Variants in MAP4K5 observed in about 807,000 individuals in gnomAD.
MAP4K5 encodes MAPK/ERK kinase kinase kinase 5.
MAP4K5 carries 82 observed loss-of-function variants against 135.6 expected under a neutral mutation model. The observed-to-expected ratio is 0.60, with a 90% confidence interval of 0.51 to 0.73. The LOEUF is 0.73. Among genes scored for constraint, MAP4K5 ranks in the 30% least tolerant of loss-of-function variants. The pLI, the probability that MAP4K5 is intolerant of heterozygous loss-of-function variation, is 0.00. For synonymous variants in MAP4K5, 347 were observed against 335.0 expected (o/e 1.04, Z -0.39); for missense variants, 907 against 1,010.9 (o/e 0.90, Z 1.39).
chr14:50,446,190 A>C (rs1288609961), intron 16 of MAP4K5, 69 bp from the exon 17 acceptor site: 5 of 895,608 alleles, frequency 5.6e-6, no homozygotes, highest in Non-Finnish European at 8.6e-6. Context: ...GATACTATTA[A>C]ATATGTATTA....
At chr14:50,456,061 C>G (rs1231595431) in intron 14 of MAP4K5, among the ~76,000 whole-genome samples, 1 of 152,016 alleles carries the variant, frequency 6.6e-6, no homozygotes, top group Non-Finnish European at 1.5e-5. Context: ...TACAATATAT[C>G]AATTAATGAA....
intron 3 of MAP4K5, 93 bp downstream of exon 3, chr14:50,504,707 T>A: frequency 1.1e-6 from 1 of 888,484 alleles, no homozygotes. Context: ...ACTGACCTGA[T>A]AGAACATATA....
intron 2 of MAP4K5, among the ~76,000 whole-genome samples, chr14:50,540,731 A>T (rs528271247): frequency 4.6e-5 from 7 of 152,352 alleles, no homozygotes; most frequent in Admixed American, 2.0e-4. Flanking sequence ...ATGTGAGTAT[A>T]GATATATTGA....
intron 11 of MAP4K5, among the ~76,000 whole-genome samples, chr14:50,464,583 G>A (rs2139820133): frequency 6.6e-6 from 1 of 152,268 alleles, no homozygotes; most frequent in South Asian, 2.1e-4. Context: ...GCAAAGAGGA[G>A]GGAGCAATTT....
intron 30 of MAP4K5, among the ~76,000 whole-genome samples, chr14:50,426,796 A>G (rs1043016383): frequency 2.0e-5 from 3 of 152,224 alleles, no homozygotes; most frequent in Non-Finnish European, 4.4e-5. Context: ...CACACATTGA[A>G]TATTTAGGAT....
intron 1 of MAP4K5, among the ~76,000 whole-genome samples, chr14:50,552,649 C>G (rs2038716910): frequency 6.6e-6 from 1 of 152,164 alleles, no homozygotes; most frequent in South Asian, 2.1e-4. Context: ...CAACGTGGTA[C>G]TGCTATAAAA....
chr14:50,468,515 T>A, intron 10 of MAP4K5, 136 bp downstream of exon 10: 1 of 833,080 alleles, frequency 1.2e-6, no homozygotes, highest in Non-Finnish European at 1.8e-6. Context: ...AGGTTTTGGA[T>A]GAGATTACTC....
chr14:50,452,916 C>A (rs2036522487), intron 14 of MAP4K5, among the ~76,000 whole-genome samples: 1 of 152,210 alleles, frequency 6.6e-6, no homozygotes, highest in Non-Finnish European at 1.5e-5. Flanking sequence ...ACTGGAGCCA[C>A]TGGTTGTTTT....
Position 50,486,210 on chromosome 14 carries a change from A to C in MAP4K5, c.167-16T>G, listed in dbSNP as rs757124377. On this transcript the variant is annotated splice_polypyrimidine_tract_variant and intron_variant, in intron 3 of 32. Transcript: ENST00000682126. Reference sequence around the variant, plus strand: ...AAATCATCTCCTGGAAAACAAAATAAGTTGTTTATCATGTTACTCAAAATC... The same window carrying C: ...AAATCATCTCCTGGAAAACAAAATACGTTGTTTATCATGTTACTCAAAATC... 20 of 883,706 alleles carry C rather than the reference A, an allele frequency of 2.3e-5. No individual in the cohort carries two copies. In the African/African-American group the frequency reaches 3.1e-4, roughly 14 times the overall value. 54.7% of individuals were successfully genotyped at this position (883,706 alleles called of 1,614,324 possible). A position where few individuals can be genotyped will look rare whatever the true frequency, so the allele number is the denominator to read the frequency against.
rs751518154 is a variant in MAP4K5 at position 50,532,070 on chromosome 14, C to G, written c.-21G>C. On this transcript the variant is annotated 5_prime_UTR_variant, in exon 2 of 33. Transcript: ENST00000682126. ...TCCATCTTCACTTAGGGCCCGGCCC[C>G]CGCCAGCTCACCCCGCGGCTCCCGG... 6.8e-7 allele frequency: 1 copy of G among 1,464,814 alleles called. No individual in the cohort carries two copies. Among genetic ancestry groups the G allele is most frequent in the South Asian group, 1.2e-5 (1 of 82,086 alleles). 90.7% of individuals were successfully genotyped at this position (1,464,814 alleles called of 1,614,324 possible).
upstream of MAP4K5, among the ~76,000 whole-genome samples, chr14:50,536,918 G>A (rs2038500223): frequency 1.3e-5 from 2 of 152,204 alleles, no homozygotes; most frequent in South Asian, 4.1e-4. Context: ...AAAATTTGCA[G>A]CCTGACAATA....
intron 2 of MAP4K5, among the ~76,000 whole-genome samples, chr14:50,524,797 CT>C (rs33941940): frequency 0.017 from 2,597 of 152,222 alleles, 66 homozygotes; most frequent in African/African-American, 0.059. Context: ...GAATATTATT[CT>C]AAGACTTTAT....
At chr14:50,476,329 AAAG>A in intron 6 of MAP4K5, 23 bp from the exon 7 acceptor site, 1 of 1,304,682 alleles carries the variant, frequency 7.7e-7, no homozygotes, top group Non-Finnish European at 1.0e-6. Context: ...AAAAAAAAAA[AAAG>A]AATGTATCAG....
chr14:50,559,996 G>A (rs553113518), intron 1 of MAP4K5: 2 of 543,766 alleles, frequency 3.7e-6, no homozygotes, highest in East Asian at 3.1e-5. Context: ...GTCTATCACT[G>A]TCTTCACGGT....
chr14:50,509,044 T>C (rs532708107), intron 2 of MAP4K5, among the ~76,000 whole-genome samples: 5 of 152,188 alleles, frequency 3.3e-5, no homozygotes, highest in African/African-American at 1.2e-4. Flanking sequence ...TCGAATACTA[T>C]GCAGCCATAA....
Position 50,532,167 on chromosome 14 carries a change from G to A in MAP4K5, c.-109-9C>T. On this transcript the variant is annotated splice_polypyrimidine_tract_variant and intron_variant, in intron 1 of 32. Transcript: ENST00000682126. ...TCCGCCCGCAGCTCCGTCTGCACGA[G>A]GGACGAGCAAAGGCTGGTTGGCGTC... is the stretch of plus-strand genomic sequence containing the variant. The A allele has an allele frequency of 1.5e-6, 1 of 669,690 alleles. No individual in the cohort carries two copies. The highest frequency in any genetic ancestry group is 2.5e-6 in the Non-Finnish European group (1 of 395,330). The allele number at this position is 669,690 out of a possible 1,614,324, so 41.5% of individuals were successfully genotyped here.
At chr14:50,439,222 A>T (rs2036168310) in intron 23 of MAP4K5, among the ~76,000 whole-genome samples, 1 of 151,758 alleles carries the variant, frequency 6.6e-6, no homozygotes, top group South Asian at 2.1e-4. Flanking sequence ...CTAGAGAGAA[A>T]TAATAATTAA....
chr14:50,431,939 C>T (rs959189273), intron 28 of MAP4K5, among the ~76,000 whole-genome samples: 2 of 152,194 alleles, frequency 1.3e-5, no homozygotes, highest in Admixed American at 6.5e-5. Flanking sequence ...ACTGCACATT[C>T]AAACATAAAC....
intron 2 of MAP4K5, among the ~76,000 whole-genome samples, chr14:50,519,812 T>C (rs966908348): frequency 2.0e-5 from 3 of 152,068 alleles, no homozygotes; most frequent in African/African-American, 7.2e-5. Flanking sequence ...CTGTAGATCT[T>C]TACTACTACA....
Sources: allele counts gnomAD v4.1 joint callset (sites outside exome capture counted in the v4.1 genomes callset), GRCh38; gene constraint gnomAD v4.1.1; transcripts MANE v1.5; gene names NCBI Gene and HGNC (gene_info 2026-07-23, HGNC 2026-07-21).